NID1: variants seen among roughly 807,000 people sequenced by gnomAD.
The protein encoded by NID1 is nidogen-1.
In NID1, 76 loss-of-function variants were observed where a neutral mutation model predicts 130.6. The ratio of observed to expected loss-of-function variants is 0.58; its 90% CI spans 0.48 to 0.70. NID1 has a LOEUF of 0.70. NID1 is among the 30% of genes least tolerant of loss of function. NID1 has a pLI of 0.00. For missense variants in NID1, 1,517 were observed against 1,664.8 expected (o/e 0.91, Z 1.54); for synonymous variants, 665 against 675.1 (o/e 0.98, Z 0.23).
At chr1:236,006,770 TC>T (rs1169039545) in intron 12 of NID1, among the ~76,000 whole-genome samples, 1 of 152,172 alleles carries the variant, frequency 6.6e-6, no homozygotes, top group Non-Finnish European at 1.5e-5. Flanking sequence ...CTGGTAAAGC[TC>T]TACTTCAAGA....
At chr1:236,063,495 T>A (rs1209385884) in intron 1 of NID1, among the ~76,000 whole-genome samples, 2,575 of 147,758 alleles carry the variant, frequency 0.017, 65 homozygotes, top group African/African-American at 0.051. Flanking sequence ...AATAAATAAA[T>A]AAATAAATAA....
At chr1:236,045,328 A>G in intron 3 of NID1, 129 bp downstream of exon 3, 3 of 631,336 alleles carry the variant, frequency 4.8e-6, no homozygotes, top group Non-Finnish European at 8.2e-6. Flanking sequence ...AGTATCTCAT[A>G]ATATAAAAAC....
rs967206435 is a variant in NID1, at chr1:236,024,180, T to C, written c.2018A>G (p.Tyr673Cys). The change falls in exon 9 of 20, where the codon TAC (tyrosine) becomes TGC (cysteine). Residue 673 changes from tyrosine (Y) to cysteine (C), a missense_variant. By Grantham distance (194) the Tyr-to-Cys change is radical. Coordinates refer to ENST00000264187, the MANE Select transcript of NID1 (RefSeq NM_002508.3). ...GSPDALQNPC[Y>C]IGTHGCDTNA... ...GGTGTCACACCCATGAGTGCCGATG[T>C]AGCAGGGATTCTGAAGAGCATCAGG... 6.2e-7 allele frequency: 1 copy of C among 1,614,276 alleles called. No homozygotes were observed. The highest frequency in any genetic ancestry group is 8.5e-7 in the Non-Finnish European group (1 of 1,180,052).
intron 12 of NID1, among the ~76,000 whole-genome samples, chr1:235,999,406 G>T (rs1658015760): frequency 6.6e-6 from 1 of 152,168 alleles, no homozygotes. Flanking sequence ...TCTCAAGTGA[G>T]TTTATAAAAA....
intron 12 of NID1, among the ~76,000 whole-genome samples, chr1:236,005,231 CG>C (rs59897525): frequency 6.6e-6 from 1 of 150,666 alleles, no homozygotes; most frequent in East Asian, 1.9e-4. Flanking sequence ...CAGATATAGG[CG>C]GGGGGTGGGG....
intron 2 of NID1, among the ~76,000 whole-genome samples, chr1:236,046,892 T>C (rs911273): frequency 0.56 from 85,478 of 152,136 alleles, 25,569 homozygotes; most frequent in East Asian, 0.76. Context: ...GTAATGCATC[T>C]TTTTTGGAGC....
Position 235,977,927 on chromosome 1 carries a change from C to T in NID1, c.3684G>A (p.Gly1228=), listed in dbSNP as rs145340331. 4.2e-4 allele frequency: 673 copies of T among 1,614,160 alleles called. 1 individual carries two copies. In the East Asian group the frequency reaches 0.011, roughly 27 times the overall value. ...TGTCAGGGCAACGGCAGGTCCTGCT[C>T]CCTGGGGTGGCCAAGCATAGGTGGG... ...GCTHLCLATP[G]SRTCRCPDNT... is the part of the protein sequence containing the mutation. The change falls in exon 20 of 20, where the codon GGG becomes GGA. Residue 1228 remains glycine (G), a synonymous_variant. Transcript: ENST00000264187.
intron 1 of NID1, 177 bp downstream of exon 1, chr1:236,064,678 G>T (rs1660141720): frequency 4.6e-6 from 3 of 650,810 alleles, no homozygotes; most frequent in Non-Finnish European, 8.2e-6. Context: ...GCAGGGACCG[G>T]GTCGGGAAGA....
chr1:235,978,206 C>T (rs182565836), intron 19 of NID1, among the ~76,000 whole-genome samples: 1 of 152,320 alleles, frequency 6.6e-6, no homozygotes, highest in East Asian at 1.9e-4. Flanking sequence ...CACTGATTCC[C>T]AACTTGGGGG....
intron 12 of NID1, among the ~76,000 whole-genome samples, chr1:235,997,036 G>A (rs1356035352): frequency 6.6e-6 from 1 of 152,086 alleles, no homozygotes; most frequent in Admixed American, 6.5e-5. Flanking sequence ...GTTTCACCAT[G>A]TTGGTCAGGC....
intron 14 of NID1, among the ~76,000 whole-genome samples, chr1:235,988,772 C>A: frequency 6.6e-6 from 1 of 152,104 alleles, no homozygotes; most frequent in East Asian, 1.9e-4. Context: ...ACACGAATGA[C>A]AAATACTGTA....
At chr1:236,034,777 AG>A (rs1277017402) in intron 5 of NID1, among the ~76,000 whole-genome samples, 1 of 152,224 alleles carries the variant, frequency 6.6e-6, no homozygotes, top group Non-Finnish European at 1.5e-5. Flanking sequence ...TACTTTAAAA[AG>A]GTATGTGAAT....
chr1:236,026,579 G>T (rs1382144319), intron 7 of NID1, among the ~76,000 whole-genome samples: 3 of 152,076 alleles, frequency 2.0e-5, no homozygotes, highest in Non-Finnish European at 4.4e-5. Context: ...TCAAGGTGGG[G>T]ATCAGACCAG....
rs1658487222 is a variant in NID1, at chr1:236,013,346, T to C, written c.2404+65A>G. ...TGGGAGTGAGTTGGTGATTGGCACA[T>C]GACAGGTACCACCTAGGAAACTTTC... On this transcript the variant is annotated intron_variant, in intron 11 of 19. Coordinates refer to ENST00000264187, the MANE Select transcript of NID1 (RefSeq NM_002508.3). 2.5e-6 allele frequency: 4 copies of C among 1,575,884 alleles called. No individual in the cohort carries two copies. In the Admixed American group the frequency reaches 5.1e-5, roughly 20 times the overall value.
chr1:235,994,702 T>C (rs1395463802), intron 12 of NID1, among the ~76,000 whole-genome samples: 11 of 149,398 alleles, frequency 7.4e-5, no homozygotes, highest in East Asian at 5.9e-4. Flanking sequence ...TTCTTCTTCT[T>C]TTTTTTTTTT....
intron 12 of NID1, among the ~76,000 whole-genome samples, chr1:236,005,191 A>G (rs1420394951): frequency 6.6e-6 from 1 of 152,074 alleles, no homozygotes; most frequent in African/African-American, 2.4e-5. Context: ...AAACAAAAAA[A>G]TGTAAGCAGA....
At position 236,029,764 on chromosome 1, in the gene NID1, T is replaced by C; in HGVS notation, c.1538-14A>G. The C allele has an allele frequency of 1.2e-6, 2 of 1,613,128 alleles. No homozygotes were observed. The highest frequency in any genetic ancestry group is 1.7e-6 in the Non-Finnish European group (2 of 1,179,262). On this transcript the variant is annotated splice_polypyrimidine_tract_variant and intron_variant, in intron 6 of 19. Coordinates refer to ENST00000264187, the MANE Select transcript of NID1 (RefSeq NM_002508.3). Reference sequence around the variant, plus strand: ...TGAACTCACCCCCTGAAAAACAAGATGAGACTGTCACTTTGCTGACTGGGG... The same window carrying C: ...TGAACTCACCCCCTGAAAAACAAGACGAGACTGTCACTTTGCTGACTGGGG...
chr1:236,012,044 C>T lies in NID1; in HGVS notation c.2405-1G>A, dbSNP rs773141185. 2 of 1,611,994 alleles carry T rather than the reference C, an allele frequency of 1.2e-6. No homozygotes were observed. The highest frequency in any genetic ancestry group is 8.5e-7 in the Non-Finnish European group (1 of 1,178,210). ...CGGCTTGGCTGGCATTCATCTACAT[C>T]TGTAAAACAGCCACCAGGCCCAGGG... On this transcript the variant is annotated splice_acceptor_variant, in intron 11 of 19. Transcript: ENST00000264187. LOFTEE classifies it high-confidence loss of function.
At chr1:236,040,344 G>A (rs903293462) in intron 4 of NID1, among the ~76,000 whole-genome samples, 1 of 152,114 alleles carries the variant, frequency 6.6e-6, no homozygotes, top group African/African-American at 2.4e-5. Context: ...CTCCATTTCC[G>A]TGCCTCAGAA....
Sources: gnomAD v4.1 joint callset for allele counts (sites outside exome capture counted in the v4.1 genomes callset) on GRCh38, gnomAD v4.1.1 for gene constraint, MANE v1.5 for transcripts, NCBI Gene and HGNC (gene_info 2026-07-23, HGNC 2026-07-21) for gene names.